SGCZ: variants seen among roughly 807,000 people sequenced by gnomAD.
SGCZ encodes the protein sarcoglycan zeta.
A neutral mutation model predicts 41.3 loss-of-function variants in SGCZ; 40 were observed. That is an observed-to-expected ratio of 0.97 (90% CI 0.75 to 1.26). The LOEUF is 1.26. SGCZ is among the 50% of genes most tolerant of loss of function. The pLI, the probability that SGCZ is intolerant of heterozygous loss-of-function variation, is 0.00. For synonymous variants in SGCZ, 206 were observed against 137.5 expected, an observed-to-expected ratio of 1.50 and a Z score of -3.49; for missense variants, 552 against 369.8, an observed-to-expected ratio of 1.49 and a Z score of -4.04.
rs181419701 is a variant in SGCZ, at chr8:14,089,941, C to G, written c.*502G>C. ...GTATTGAATTTAAATTTTAGTAAAG[C>G]AAGCATTACATAATGCTTTAAAATT... On this transcript the variant is annotated 3_prime_UTR_variant, in exon 8 of 8. Coordinates refer to ENST00000382080, the MANE Select transcript of SGCZ (RefSeq NM_139167.4). 3 of 152,520 alleles carry G rather than the reference C, an allele frequency of 2.0e-5. No homozygotes were observed. In the East Asian group the frequency reaches 5.8e-4, roughly 30 times the overall value. 9.4% of individuals were successfully genotyped at this position (152,520 alleles called of 1,614,324 possible). A position where few individuals can be genotyped will look rare whatever the true frequency, so the allele number is the denominator to read the frequency against.
chr8:14,701,977 T>C (rs2117599508), intron 1 of SGCZ, among the ~76,000 whole-genome samples: 1 of 152,060 alleles, frequency 6.6e-6, no homozygotes, highest in African/African-American at 2.4e-5. Context: ...AATTATGTCC[T>C]CCTCTTAAAG....
intron 1 of SGCZ, among the ~76,000 whole-genome samples, chr8:14,598,128 A>T (rs1360620162): frequency 6.6e-6 from 1 of 152,106 alleles, no homozygotes; most frequent in Admixed American, 6.5e-5. Context: ...AGATAAAATG[A>T]TTATTTCTTT....
At position 14,542,819 on chromosome 8, in the gene SGCZ, G is replaced by T. The variant is rs138924788; in HGVS notation, c.234+11913C>A. Among the ~76,000 whole-genome samples, 3 of 152,052 alleles carry T rather than the reference G, an allele frequency of 2.0e-5. No individual in the cohort carries two copies. In the East Asian group the frequency reaches 5.8e-4, roughly 29 times the overall value. On this transcript the variant is annotated intron_variant, in intron 2 of 7. Coordinates refer to ENST00000382080, the MANE Select transcript of SGCZ (RefSeq NM_139167.4). The stretch of plus-strand genomic sequence containing the variant: ...ATATTTTAAAAAAAAATCTGAAACA[G>T]CCATCATTTTTAGATCTCTCTGCTA...
At chr8:15,204,854 TAGAC>T in intron 1 of SGCZ, among the ~76,000 whole-genome samples, 1 of 152,290 alleles carries the variant, frequency 6.6e-6, no homozygotes, top group South Asian at 2.1e-4. Flanking sequence ...GAACTATCTG[TAGAC>T]AGGATTATAT....
rs531046948 is a variant in SGCZ at position 14,640,142 on chromosome 8, C to G, written c.40-85216G>C. On this transcript the variant is annotated intron_variant, in intron 1 of 7. Transcript: ENST00000382080. ...CATTAAGGGAGGTTTAAATTTAAGG[C>G]AAGATATTAAGAAACAGAAAATTGG... Among the ~76,000 whole-genome samples the G allele has an allele frequency of 7.3e-5, 11 of 151,684 alleles. No individual in the cohort carries two copies. In the East Asian group the frequency reaches 2.1e-3, roughly 30 times the overall value.
chr8:14,089,379 C>A lies in SGCZ; in HGVS notation c.*1064G>T, dbSNP rs1326451152. Among the ~76,000 whole-genome samples, 6 of 151,832 alleles carry A rather than the reference C, an allele frequency of 4.0e-5. No homozygotes were observed. Among genetic ancestry groups the A allele is most frequent in the Admixed American group, 2.6e-4 (4 of 15,210 alleles). On this transcript the variant is annotated 3_prime_UTR_variant, in exon 8 of 8. Coordinates refer to ENST00000382080, the MANE Select transcript of SGCZ (RefSeq NM_139167.4). Reference sequence around the variant, plus strand: ...TTCTGACTTCTTTAAATCTTAACCTCCAATAAAAAATAGATGGAGAATAAT... The same window carrying A: ...TTCTGACTTCTTTAAATCTTAACCTACAATAAAAAATAGATGGAGAATAAT...
Position 14,127,169 on chromosome 8 carries a change from A to AAAAT in SGCZ, c.548-18938_548-18935dup, listed in dbSNP as rs202145346. Among the ~76,000 whole-genome samples, 61 of 151,772 alleles carry AAAAT rather than the reference A, an allele frequency of 4.0e-4. No individual in the cohort carries two copies. In the East Asian group the frequency reaches 7.9e-3, roughly 20 times the overall value. ...CTGGGACTTAAAGTAAGATAAAATT[A>AAAAT]AAATAAATAAATAAATAAATGAGGC... On this transcript the variant is annotated intron_variant, in intron 5 of 7. Coordinates refer to ENST00000382080, the MANE Select transcript of SGCZ (RefSeq NM_139167.4).
chr8:14,683,251 A>C (rs1300771038), intron 1 of SGCZ, among the ~76,000 whole-genome samples: 1 of 152,298 alleles, frequency 6.6e-6, no homozygotes, highest in Admixed American at 6.5e-5. Flanking sequence ...TACGATTACA[A>C]TCCATTTTAT....
chr8:14,309,652 C>T, intron 3 of SGCZ: 1 of 1,610,658 alleles, frequency 6.2e-7, no homozygotes, highest in South Asian at 1.1e-5. Flanking sequence ...GGCTCCACCA[C>T]TAAAAATAGG....
chr8:14,263,852 C>G (rs1423954989), intron 3 of SGCZ, among the ~76,000 whole-genome samples: 1 of 152,198 alleles, frequency 6.6e-6, no homozygotes, highest in Non-Finnish European at 1.5e-5. Context: ...AACTCAGAGA[C>G]AGACAAAACT....
At chr8:14,859,063 A>G (rs1803635609) in intron 1 of SGCZ, among the ~76,000 whole-genome samples, 1 of 152,172 alleles carries the variant, frequency 6.6e-6, no homozygotes, top group African/African-American at 2.4e-5. Context: ...GTATTTCATG[A>G]AAAGAAAATA....
intron 1 of SGCZ, among the ~76,000 whole-genome samples, chr8:14,927,287 A>G (rs749018129): frequency 4.6e-5 from 7 of 151,010 alleles, no homozygotes; most frequent in African/African-American, 7.3e-5. Context: ...TTTTTTCTAT[A>G]TTTAGTAGAG....
intron 1 of SGCZ, among the ~76,000 whole-genome samples, chr8:14,729,911 C>T (rs74393388): frequency 1.3e-5 from 2 of 152,064 alleles, no homozygotes; most frequent in African/African-American, 4.8e-5. Context: ...ATGGTGAAAC[C>T]CCATCTCTAC....
At chr8:15,037,421 T>C (rs930642660) in intron 1 of SGCZ, among the ~76,000 whole-genome samples, 1 of 152,194 alleles carries the variant, frequency 6.6e-6, no homozygotes, top group African/African-American at 2.4e-5. Context: ...GTTAGTCAAT[T>C]AAACTTCTTT....
At chr8:14,516,680 T>C (rs780613930) in intron 2 of SGCZ, among the ~76,000 whole-genome samples, 1 of 152,036 alleles carries the variant, frequency 6.6e-6, no homozygotes, top group Non-Finnish European at 1.5e-5. Context: ...GCTCTAACTG[T>C]TTTTCATATG....
intron 1 of SGCZ, among the ~76,000 whole-genome samples, chr8:14,937,043 G>A (rs1800104786): frequency 6.6e-6 from 1 of 151,832 alleles, no homozygotes; most frequent in African/African-American, 2.4e-5. Context: ...GTAATGATAA[G>A]AGCAGAGATT....
chr8:14,511,467 A>G (rs11989301), intron 2 of SGCZ, among the ~76,000 whole-genome samples: 16,805 of 151,986 alleles, frequency 0.11, 1,708 homozygotes, highest in African/African-American at 0.27. Flanking sequence ...GAACAAGCAT[A>G]AGTGGACCAG....
intron 3 of SGCZ, among the ~76,000 whole-genome samples, chr8:14,242,752 G>A (rs1196366633): frequency 1.3e-5 from 2 of 152,006 alleles, no homozygotes; most frequent in Non-Finnish European, 2.9e-5. Context: ...GCTAAAAAAG[G>A]TAACAAGCCA....
chr8:15,148,625 G>C (rs76290668), intron 1 of SGCZ, among the ~76,000 whole-genome samples: 5,703 of 152,244 alleles, frequency 0.037, 308 homozygotes, highest in African/African-American at 0.12. Flanking sequence ...TTACGATATT[G>C]TTGAGTCTCA....
Sources: gnomAD v4.1 joint callset for allele counts (sites outside exome capture counted in the v4.1 genomes callset) on GRCh38, gnomAD v4.1.1 for gene constraint, MANE v1.5 for transcripts, NCBI Gene and HGNC (gene_info 2026-07-23, HGNC 2026-07-21) for gene names.